Variants in OXR1 observed in about 807,000 individuals in gnomAD.
OXR1 encodes the protein oxidation resistance protein 1.
A neutral mutation model predicts 104.6 loss-of-function variants in OXR1; 41 were observed. That is an observed-to-expected ratio of 0.39 (90% confidence interval 0.31 to 0.51). The LOEUF is 0.51. Among genes scored for constraint, OXR1 ranks in the 20% least tolerant of loss-of-function variants. The pLI, the probability that OXR1 is intolerant of heterozygous loss-of-function variation, is 0.77. For synonymous variants in OXR1, 348 were observed against 348.4 expected (o/e 1.00, Z 0.01); for missense variants, 955 against 1,031.9 (o/e 0.93, Z 1.02).
Position 106,702,978 on chromosome 8 carries a change from G to T in OXR1, c.748G>T (p.Val250Phe), listed in dbSNP as rs760500916. The change falls in exon 8 of 17, where the codon GTT becomes TTT. Residue 250 changes from valine (V) to phenylalanine (F), a missense_variant. Transcript: ENST00000517566. ...MFDPHKNDPLVQENGCEEYGI... is the reference protein window; with the variant it reads ...MFDPHKNDPLFQENGCEEYGI... ...TGATCCACATAAAAATGACCCTTTG[G>T]TTCAAGAGAATGGCTGTGAGGAATA... The T allele has an allele frequency of 3.7e-6, 6 of 1,613,728 alleles. No homozygotes were observed. Among genetic ancestry groups the T allele is most frequent in the Non-Finnish European group, 5.1e-6 (6 of 1,179,728 alleles).
At chr8:106,603,737 A>G (rs994212091) in intron 3 of OXR1, among the ~76,000 whole-genome samples, 1 of 152,176 alleles carries the variant, frequency 6.6e-6, no homozygotes, top group African/African-American at 2.4e-5. Context: ...CTTAGAAAGC[A>G]AGTCTGTAAA....
At chr8:106,416,236 A>T (rs557844976) in intron 2 of OXR1, among the ~76,000 whole-genome samples, 29 of 152,236 alleles carry the variant, frequency 1.9e-4, no homozygotes, top group Non-Finnish European at 3.8e-4. Context: ...AGAGAGAATC[A>T]TGGGATCAGA....
chr8:106,714,085 G>T lies in OXR1; in HGVS notation c.1956+100G>T, dbSNP rs138330581. ...TATAAGTGATGTTTCCACAAAAGAGGAATTTTTTTAAAGGTCAGGTTCACT... is the reference window on the plus strand; with the variant it reads ...TATAAGTGATGTTTCCACAAAAGAGTAATTTTTTTAAAGGTCAGGTTCACT... On this transcript the variant is annotated intron_variant, in intron 11 of 16. Coordinates refer to ENST00000517566, the MANE Select transcript of OXR1 (RefSeq NM_001198533.2). The T allele has an allele frequency of 2.5e-4, 228 of 905,738 alleles. No homozygotes were observed. In the African/African-American group the frequency reaches 3.5e-3, roughly 14 times the overall value. The allele number at this position is 905,738 out of a possible 1,614,324, so 56.1% of individuals were successfully genotyped here.
chr8:106,435,922 A>C (rs1003191446), intron 2 of OXR1, among the ~76,000 whole-genome samples: 2 of 152,142 alleles, frequency 1.3e-5, no homozygotes, highest in Non-Finnish European at 2.9e-5. Flanking sequence ...AACCAATCAA[A>C]AGTGGGTCAG....
At chr8:106,321,079 G>A (rs550827876) in intron 1 of OXR1, among the ~76,000 whole-genome samples, 1 of 152,308 alleles carries the variant, frequency 6.6e-6, no homozygotes, top group African/African-American at 2.4e-5. Flanking sequence ...AGTACTTCAT[G>A]TAACAAGAGC....
intron 11 of OXR1, among the ~76,000 whole-genome samples, 170 bp from the exon 12 acceptor site, chr8:106,737,350 C>G (rs2131555519): frequency 6.6e-6 from 1 of 150,864 alleles, no homozygotes; most frequent in East Asian, 2.0e-4. Context: ...GGATATTTCA[C>G]TCTAGTTTGA....
chr8:106,448,197 G>A, intron 2 of OXR1: 2 of 1,023,504 alleles, frequency 2.0e-6, no homozygotes, highest in East Asian at 2.6e-5. Flanking sequence ...ATGGATTTCT[G>A]TTGCCATTTG....
chr8:106,619,621 C>G (rs1821532020), intron 3 of OXR1, among the ~76,000 whole-genome samples: 1 of 151,896 alleles, frequency 6.6e-6, no homozygotes, highest in Admixed American at 6.6e-5. Context: ...ATATCTAGTT[C>G]AAATTTGAGA....
At chr8:106,733,688 T>C (rs1364185967) in intron 11 of OXR1, among the ~76,000 whole-genome samples, 3 of 151,868 alleles carry the variant, frequency 2.0e-5, no homozygotes, top group Non-Finnish European at 4.4e-5. Flanking sequence ...ACACCTGTAG[T>C]CCCAGCACAC....
chr8:106,742,310 A>T lies in OXR1; in HGVS notation c.2405A>T (p.Glu802Val). The T allele has an allele frequency of 6.3e-7, 1 of 1,591,774 alleles. No individual in the cohort carries two copies. The highest frequency in any genetic ancestry group is 8.6e-7 in the Non-Finnish European group (1 of 1,160,934). ...ACCTTTGTTTTTACATTCTGTCCGGAGTTTGAGGTAAGAACCACTATTTCA... is the reference window on the plus strand; with the variant it reads ...ACCTTTGTTTTTACATTCTGTCCGGTGTTTGAGGTAAGAACCACTATTTCA... ...GETFVFTFCPEFEVFKWTGDN... is the reference protein window; with the variant it reads ...GETFVFTFCPVFEVFKWTGDN... Residue 802 changes from glutamate to valine, a missense_variant, in exon 15 of 17, where the codon GAG becomes GTG. Transcript: ENST00000517566.
At chr8:106,721,226 G>A (rs1832795317) in intron 11 of OXR1, among the ~76,000 whole-genome samples, 3 of 151,766 alleles carry the variant, frequency 2.0e-5, no homozygotes, top group Admixed American at 6.6e-5. Context: ...GTCCTTTTGG[G>A]ATAAAAGCTG....
At chr8:106,425,747 C>T (rs1052453148) in intron 2 of OXR1, among the ~76,000 whole-genome samples, 4 of 152,186 alleles carry the variant, frequency 2.6e-5, no homozygotes, top group African/African-American at 9.6e-5. Context: ...GACACCTCTA[C>T]AGAAGTGAGT....
intron 2 of OXR1, among the ~76,000 whole-genome samples, chr8:106,454,689 C>G (rs1008199208): frequency 1.3e-5 from 2 of 151,928 alleles, no homozygotes; most frequent in South Asian, 2.1e-4. Context: ...TTGTCTTATT[C>G]GTGGAATCAA....
At chr8:106,662,573 C>T (rs779608273) in intron 3 of OXR1, among the ~76,000 whole-genome samples, 3 of 152,068 alleles carry the variant, frequency 2.0e-5, no homozygotes, top group African/African-American at 7.2e-5. Flanking sequence ...CTGTGTCTTA[C>T]GCACAAGTTA....
At chr8:106,558,811 CACA>C (rs1816471837) in intron 3 of OXR1, among the ~76,000 whole-genome samples, 1 of 152,148 alleles carries the variant, frequency 6.6e-6, no homozygotes, top group Admixed American at 6.6e-5. Context: ...CCTATATCTT[CACA>C]ACAAGTATAC....
intron 6 of OXR1, among the ~76,000 whole-genome samples, chr8:106,689,976 A>G (rs910827383): frequency 6.6e-6 from 1 of 151,674 alleles, no homozygotes; most frequent in Non-Finnish European, 1.5e-5. Context: ...CAATTCACAA[A>G]CATAACCTCT....
At chr8:106,563,769 C>G (rs1272312079) in intron 3 of OXR1, among the ~76,000 whole-genome samples, 5 of 152,134 alleles carry the variant, frequency 3.3e-5, no homozygotes, top group African/African-American at 9.7e-5. Flanking sequence ...TGCAAAAGAA[C>G]AGAAATCATA....
chr8:106,366,753 T>A (rs1042641331), intron 2 of OXR1, among the ~76,000 whole-genome samples: 1 of 152,008 alleles, frequency 6.6e-6, no homozygotes, highest in Non-Finnish European at 1.5e-5. Context: ...AAAGTGGGTG[T>A]GAGAGCCTGA....
chr8:106,615,108 C>G (rs1004872328), intron 3 of OXR1, among the ~76,000 whole-genome samples: 1 of 152,010 alleles, frequency 6.6e-6, no homozygotes, highest in African/African-American at 2.4e-5. Context: ...CACTTGAGCT[C>G]AAGAGTTTGA....
Sources: gnomAD v4.1 joint callset for allele counts (sites outside exome capture counted in the v4.1 genomes callset) on GRCh38, gnomAD v4.1.1 for gene constraint, MANE v1.5 for transcripts, NCBI Gene and HGNC (gene_info 2026-07-23, HGNC 2026-07-21) for gene names.